The following ADA variants were observed in gnomAD, a reference collection of about 807,000 sequenced individuals.
The protein encoded by ADA is adenosine deaminase, also known as adenosine aminohydrolase.
In ADA, 45 loss-of-function variants were observed where a neutral mutation model predicts 49.0. The ratio of observed to expected loss-of-function variants is 0.92; its 90% CI spans 0.72 to 1.18. ADA has a LOEUF of 1.18. ADA is among the 50% of genes most tolerant of loss of function. The pLI is 0.00. For synonymous variants in ADA, 173 were observed against 184.2 expected (o/e 0.94, Z 0.49); for missense variants, 445 against 472.5 (o/e 0.94, Z 0.54).
chr20:44,627,664 A>G (rs1330110559), intron 3 of ADA, among the ~76,000 whole-genome samples: 1 of 152,238 alleles, frequency 6.6e-6, no homozygotes, highest in Non-Finnish European at 1.5e-5. Flanking sequence ...GCGACCTCTC[A>G]GCTGAGGACC....
rs553988287 is a variant in ADA, at chr20:44,651,678, C to G, written c.-71G>C. 47 of 1,442,416 alleles carry G rather than the reference C, an allele frequency of 3.3e-5. 1 individual carries two copies. The African/African-American group carries it at 6.3e-4, about 19-fold the overall frequency. 89.4% of individuals were successfully genotyped at this position (1,442,416 alleles called of 1,614,324 possible). On this transcript the variant is annotated 5_prime_UTR_variant, in exon 1 of 12. Coordinates refer to ENST00000372874, the MANE Select transcript of ADA (RefSeq NM_000022.4). ...TGGGTCTCTGCCGGCTCGGTGGCCG[C>G]TCGGCTTTCCCTGGGGCCAGCGGTG...
intron 1 of ADA, among the ~76,000 whole-genome samples, chr20:44,641,630 G>A (rs2065535244): frequency 6.6e-6 from 1 of 152,144 alleles, no homozygotes; most frequent in Non-Finnish European, 1.5e-5. Context: ...ACCAGGCCTG[G>A]CCTTGGAGCC....
intron 9 of ADA, 37 bp downstream of exon 9, chr20:44,622,551 G>T: frequency 6.2e-7 from 1 of 1,613,462 alleles, no homozygotes; most frequent in Non-Finnish European, 8.5e-7. Context: ...GGCCTTCCTG[G>T]AACAAAATTG....
At chr20:44,620,172 A>G in intron 11 of ADA, 127 bp downstream of exon 11, 1 of 911,784 alleles carries the variant, frequency 1.1e-6, no homozygotes, top group Admixed American at 1.8e-5. Context: ...AGGGCCCAGA[A>G]ACCAGGGAGT....
intron 1 of ADA, among the ~76,000 whole-genome samples, chr20:44,639,993 C>A (rs1194745450): frequency 6.6e-6 from 1 of 151,986 alleles, no homozygotes; most frequent in Non-Finnish European, 1.5e-5. Flanking sequence ...GTGTGGTATG[C>A]AGAAGGCCAG....
In ADA at chr20:44,636,905, A is replaced by G. The variant is rs1388776497; in HGVS notation, c.34-617T>C. On this transcript the variant is annotated intron_variant, in intron 1 of 11. Coordinates refer to ENST00000372874, the MANE Select transcript of ADA (RefSeq NM_000022.4). ...ACTGCAACCTCCACCTCCTGGGTTC[A>G]AGCAATTCTTGTGCCTCAGCCTCCG... Among the ~76,000 whole-genome samples the G allele has an allele frequency of 3.9e-5, 6 of 152,098 alleles. 1 individual carries two copies. The South Asian group carries it at 1.2e-3, about 32-fold the overall frequency.
At chr20:44,630,647 T>C (rs1181739673) in intron 2 of ADA, among the ~76,000 whole-genome samples, 1 of 151,996 alleles carries the variant, frequency 6.6e-6, no homozygotes, top group East Asian at 1.9e-4. Context: ...GACAAGATGA[T>C]GAAAAATAGG....
intron 4 of ADA, 183 bp downstream of exon 4, chr20:44,626,273 G>C (rs2065381372): frequency 1.2e-6 from 1 of 818,498 alleles, no homozygotes; most frequent in Non-Finnish European, 2.0e-6. Flanking sequence ...ACGGCAAAGG[G>C]AGGATGGGAA....
intron 8 of ADA, 76 bp from the exon 9 acceptor site, chr20:44,622,728 G>A (rs1209628186): frequency 1.9e-6 from 3 of 1,613,286 alleles, no homozygotes; most frequent in Non-Finnish European, 2.5e-6. Context: ...TGGGCCTGGG[G>A]CCACCCCTCG....
At chr20:44,645,833 G>T (rs1056811468) in intron 1 of ADA, among the ~76,000 whole-genome samples, 1 of 152,144 alleles carries the variant, frequency 6.6e-6, no homozygotes, top group African/African-American at 2.4e-5. Flanking sequence ...TCAGGACTCA[G>T]ACCCAGAGAG....
At chr20:44,629,692 G>A (rs530747981) in intron 2 of ADA, among the ~76,000 whole-genome samples, 118 of 152,298 alleles carry the variant, frequency 7.7e-4, no homozygotes, top group African/African-American at 2.7e-3. Context: ...CAGCGCACTG[G>A]GAGAGGGCCG....
intron 1 of ADA, among the ~76,000 whole-genome samples, chr20:44,647,605 G>A (rs762539): frequency 0.51 from 78,069 of 151,680 alleles, 21,297 homozygotes; most frequent in East Asian, 0.65. Context: ...TTGTCAAGTC[G>A]TCCAGAGGAT....
At chr20:44,632,151 G>C (rs1036769425) in intron 2 of ADA, among the ~76,000 whole-genome samples, 1 of 152,206 alleles carries the variant, frequency 6.6e-6, no homozygotes, top group Admixed American at 6.5e-5. Flanking sequence ...TCTCTGAGGA[G>C]GTGACATTTC....
At chr20:44,645,895 G>A (rs2065586749) in intron 1 of ADA, among the ~76,000 whole-genome samples, 1 of 152,116 alleles carries the variant, frequency 6.6e-6, no homozygotes, top group Non-Finnish European at 1.5e-5. Flanking sequence ...CTAGCTCCCT[G>A]GTCACTAGGA....
chr20:44,628,980 G>A (rs1214794707), intron 3 of ADA, 67 bp downstream of exon 3: 6 of 1,610,992 alleles, frequency 3.7e-6, no homozygotes, highest in Non-Finnish European at 5.1e-6. Flanking sequence ...ACAGGCTGAG[G>A]GACAGGCCTG....
intron 2 of ADA, 192 bp downstream of exon 2, chr20:44,636,035 T>G: frequency 3.3e-6 from 2 of 611,558 alleles, no homozygotes; most frequent in Non-Finnish European, 2.9e-6. Context: ...AGCTCAGGAG[T>G]TGGTCTGCGG....
intron 1 of ADA, among the ~76,000 whole-genome samples, chr20:44,643,604 G>C (rs767972388): frequency 1.3e-5 from 2 of 152,082 alleles, no homozygotes; most frequent in Non-Finnish European, 2.9e-5. Flanking sequence ...AGCTAGGGTG[G>C]AACTCAAGTC....
intron 1 of ADA, among the ~76,000 whole-genome samples, chr20:44,647,854 T>A (rs1600950928): frequency 6.6e-6 from 1 of 151,396 alleles, no homozygotes; most frequent in Non-Finnish European, 1.5e-5. Flanking sequence ...GAGGTGGAGG[T>A]TGTAGTGAGC....
At chr20:44,626,300 A>C in intron 4 of ADA, 156 bp downstream of exon 4, 1 of 1,008,408 alleles carries the variant, frequency 9.9e-7, no homozygotes, top group Non-Finnish European at 1.5e-6. Context: ...CTCTTGTGAC[A>C]GAGTTAAACC....
Sources: allele counts gnomAD v4.1 joint callset (sites outside exome capture counted in the v4.1 genomes callset), GRCh38; gene constraint gnomAD v4.1.1; transcripts MANE v1.5; gene names NCBI Gene and HGNC (gene_info 2026-07-23, HGNC 2026-07-21).